Variants in CYTH3 observed in about 807,000 individuals in gnomAD.
CYTH3 encodes cytohesin-3.
A neutral mutation model predicts 55.1 loss-of-function variants in CYTH3; 23 were observed. That is an observed-to-expected ratio of 0.42 (90% CI 0.30 to 0.59). The LOEUF (loss-of-function observed/expected upper bound fraction) is 0.59. CYTH3 is among the 20% of genes least tolerant of loss of function. CYTH3 has a pLI of 0.20. For missense variants in CYTH3, 413 were observed against 524.8 expected (o/e 0.79, Z 2.08); for synonymous variants, 249 against 194.9 (o/e 1.28, Z -2.31).
intron 1 of CYTH3, among the ~76,000 whole-genome samples, chr7:6,240,292 CAA>C (rs60884841): frequency 0.081 from 4,875 of 60,332 alleles, 200 homozygotes; most frequent in African/African-American, 0.21. Flanking sequence ...GACTCCATCT[CAA>C]AAAAAAAAAA....
At chr7:6,233,789 C>T (rs887295580) in intron 1 of CYTH3, among the ~76,000 whole-genome samples, 4 of 152,090 alleles carry the variant, frequency 2.6e-5, no homozygotes, top group Non-Finnish European at 5.9e-5. Flanking sequence ...TAACAAAATG[C>T]GAAAGACTGG....
intron 1 of CYTH3, among the ~76,000 whole-genome samples, chr7:6,201,835 T>C (rs1168966524): frequency 6.6e-6 from 1 of 151,926 alleles, no homozygotes; most frequent in Non-Finnish European, 1.5e-5. Context: ...AGGAAAGGAA[T>C]GGAGCTCAAA....
chr7:6,201,523 A>G (rs1784058721), intron 1 of CYTH3, among the ~76,000 whole-genome samples: 1 of 152,208 alleles, frequency 6.6e-6, no homozygotes, highest in Non-Finnish European at 1.5e-5. Context: ...GTGCACCATT[A>G]TCACTAACAG....
intron 1 of CYTH3, among the ~76,000 whole-genome samples, chr7:6,233,404 T>C (rs538365058): frequency 6.6e-6 from 1 of 152,280 alleles, no homozygotes; most frequent in Admixed American, 6.5e-5. Context: ...TTTAAAACAG[T>C]AAATGACTTT....
At chr7:6,248,957 T>C (rs940282036) in intron 1 of CYTH3, among the ~76,000 whole-genome samples, 2 of 152,216 alleles carry the variant, frequency 1.3e-5, no homozygotes, top group African/African-American at 4.8e-5. Flanking sequence ...CCAATGACCA[T>C]TTTTCAGTGT....
At chr7:6,200,747 T>C (rs1179945362) in intron 1 of CYTH3, among the ~76,000 whole-genome samples, 1 of 152,200 alleles carries the variant, frequency 6.6e-6, no homozygotes, top group African/African-American at 2.4e-5. Flanking sequence ...AACACTGTTA[T>C]ATCCAGCAAT....
intron 4 of CYTH3, 77 bp from the exon 5 acceptor site, chr7:6,178,018 T>A: frequency 8.8e-7 from 1 of 1,142,478 alleles, no homozygotes; most frequent in African/African-American, 1.5e-5. Flanking sequence ...ATACACTTAG[T>A]GTCAGGATTT....
chr7:6,271,710 C>T (rs2115075877), intron 1 of CYTH3, among the ~76,000 whole-genome samples: 1 of 152,216 alleles, frequency 6.6e-6, no homozygotes. Context: ...AGACACAGAC[C>T]ACCTGGGCCA....
chr7:6,268,507 T>C (rs779159037), intron 1 of CYTH3, among the ~76,000 whole-genome samples: 1 of 152,182 alleles, frequency 6.6e-6, no homozygotes, highest in Admixed American at 6.5e-5. Flanking sequence ...GATCTCTCCA[T>C]GTCAACTAAG....
chr7:6,212,012 A>C (rs1784329340), intron 1 of CYTH3, among the ~76,000 whole-genome samples: 1 of 152,056 alleles, frequency 6.6e-6, no homozygotes, highest in South Asian at 2.1e-4. Flanking sequence ...ATAAATAAAA[A>C]ATACTAGGGT....
rs1378979707 is a variant in CYTH3 at position 6,171,336 on chromosome 7, G to A, written c.450-22C>T. 4 of 1,611,614 alleles carry A rather than the reference G, an allele frequency of 2.5e-6. No individual in the cohort carries two copies. The highest frequency in any genetic ancestry group is 3.4e-6 in the Non-Finnish European group (4 of 1,177,906). On this transcript the variant is annotated intron_variant, in intron 6 of 12. Coordinates refer to ENST00000350796, the MANE Select transcript of CYTH3 (RefSeq NM_004227.4). This position sits in a 1 kb window ranked among gnomAD's most constrained non-coding sequence, Gnocchi z 6.7. The stretch of plus-strand genomic sequence containing the variant: ...CTGCCTGTGGAGACACCAAAGCCAT[G>A]GGAAGCCGCATCAGAACCAACACCG...
intron 1 of CYTH3, among the ~76,000 whole-genome samples, chr7:6,248,246 C>G (rs1401179331): frequency 7.1e-6 from 1 of 141,718 alleles, no homozygotes; most frequent in Non-Finnish European, 1.5e-5. Context: ...CCCCCCCCAG[C>G]CAAAAAAAAA....
At chr7:6,197,969 C>T (rs1408843187) in intron 1 of CYTH3, among the ~76,000 whole-genome samples, 1 of 151,862 alleles carries the variant, frequency 6.6e-6, no homozygotes. Flanking sequence ...TCACGCATGC[C>T]CACAGTCCCG....
intron 1 of CYTH3, among the ~76,000 whole-genome samples, chr7:6,231,139 G>A (rs1006613879): frequency 1.3e-5 from 2 of 152,240 alleles, no homozygotes; most frequent in Admixed American, 6.5e-5. Flanking sequence ...ACAACTGTCT[G>A]CAGTCGGATG....
intron 1 of CYTH3, among the ~76,000 whole-genome samples, chr7:6,214,718 G>A (rs942634846): frequency 6.6e-6 from 1 of 152,142 alleles, no homozygotes; most frequent in Non-Finnish European, 1.5e-5. Flanking sequence ...GACAAGTAGA[G>A]CCTGTAAGAT....
intron 1 of CYTH3, among the ~76,000 whole-genome samples, chr7:6,199,321 A>G (rs577720917): frequency 6.6e-6 from 1 of 152,308 alleles, no homozygotes; most frequent in East Asian, 1.9e-4. Context: ...ATGGAGTAAC[A>G]GGGACTGGAT....
intron 1 of CYTH3, among the ~76,000 whole-genome samples, chr7:6,271,481 T>C (rs1780652406): frequency 6.7e-6 from 1 of 150,216 alleles, no homozygotes; most frequent in African/African-American, 2.5e-5. Flanking sequence ...AAGGAGATCT[T>C]CAGGAAAAAA....
Position 6,207,050 on chromosome 7 carries a change from G to C in CYTH3, c.35-16519C>G, listed in dbSNP as rs368108064. ...CAAACTTTAAGATGCCATACCATAA[G>C]AAACATTCCAATTTCACAGAAATTA... On this transcript the variant is annotated intron_variant, in intron 1 of 12. Transcript: ENST00000350796. 5.7e-5 allele frequency among the ~76,000 whole-genome samples: 8 copies of C among 140,314 alleles called. No individual in the cohort carries two copies. In the East Asian group the frequency reaches 1.8e-3, roughly 31 times the overall value. The allele number at this position is 140,314 out of a possible 152,430, so 92.1% of individuals were successfully genotyped here.
intron 1 of CYTH3, among the ~76,000 whole-genome samples, chr7:6,212,114 T>A (rs927257087): frequency 2.0e-5 from 3 of 152,152 alleles, no homozygotes; most frequent in African/African-American, 7.2e-5. Context: ...ATCCTTCTAC[T>A]CTCTATCTCC....
Sources: gnomAD v4.1 joint callset for allele counts (sites outside exome capture counted in the v4.1 genomes callset) on GRCh38, gnomAD v4.1.1 for gene constraint, Gnocchi (gnomAD v3.1) non-coding constraint, MANE v1.5 for transcripts, NCBI Gene and HGNC (gene_info 2026-07-23, HGNC 2026-07-21) for gene names.